The following PLEKHM1 variants were observed in gnomAD, a reference collection of about 807,000 sequenced individuals.
The protein encoded by PLEKHM1 is pleckstrin homology and RUN domain containing M1.
PLEKHM1 carries 28 observed loss-of-function variants against 94.3 expected under a neutral mutation model. The ratio of observed to expected loss-of-function variants is 0.30; its 90% CI spans 0.22 to 0.41. PLEKHM1 has a LOEUF of 0.41. Ranked by LOEUF, PLEKHM1 falls within the 10% of genes least tolerant of loss-of-function variation. PLEKHM1 has a pLI of 1.00. For missense variants in PLEKHM1, 907 were observed against 1,358.6 expected (o/e 0.67, Z 5.22); for synonymous variants, 424 against 581.2 (o/e 0.73, Z 3.89).
intron 5 of PLEKHM1, among the ~76,000 whole-genome samples, chr17:45,467,676 G>T (rs2051359285): frequency 6.6e-6 from 1 of 152,152 alleles, no homozygotes; most frequent in African/African-American, 2.4e-5. Context: ...CAGGAGAATT[G>T]CTTGAACCCA....
intron 4 of PLEKHM1, among the ~76,000 whole-genome samples, chr17:45,471,595 C>T (rs1169767582): frequency 6.6e-6 from 1 of 151,572 alleles, no homozygotes; most frequent in South Asian, 2.1e-4. Context: ...TTCTCTACAA[C>T]AAGTACAAAA....
intron 6 of PLEKHM1, among the ~76,000 whole-genome samples, chr17:45,455,943 G>A (rs1315546257): frequency 1.3e-5 from 2 of 152,252 alleles, no homozygotes; most frequent in Middle Eastern, 3.4e-3. Context: ...TGACCTCATC[G>A]CTCACTGCCA....
chr17:45,446,772 T>A (rs184359167), intron 8 of PLEKHM1, among the ~76,000 whole-genome samples: 6 of 152,354 alleles, frequency 3.9e-5, no homozygotes, highest in Admixed American at 3.9e-4. Context: ...CAAATTCTGA[T>A]AAATTGTGTA....
In PLEKHM1 at chr17:45,436,779, G is replaced by A. The variant is rs1243894685; in HGVS notation, c.*1079C>T. On this transcript the variant is annotated 3_prime_UTR_variant, in exon 12 of 12. Coordinates refer to ENST00000430334, the MANE Select transcript of PLEKHM1 (RefSeq NM_014798.3). ...GCTTTGGGAATTCATGGCTTTGTGA[G>A]GTGGTGGCTGCATCCACAGGGCAGT... The A allele has an allele frequency of 4.4e-6, 2 of 454,140 alleles. No individual in the cohort carries two copies. Among genetic ancestry groups the A allele is most frequent in the Admixed American group, 2.3e-5 (1 of 42,578 alleles). The allele number at this position is 454,140 out of a possible 1,614,324, so 28.1% of individuals were successfully genotyped here. A position where few individuals can be genotyped will look rare whatever the true frequency, so the allele number is the denominator to read the frequency against.
Position 45,447,659 on chromosome 17 carries a change from G to A in PLEKHM1, c.2644-1996C>T, listed in dbSNP as rs138322498. Among the ~76,000 whole-genome samples, 431 of 152,328 alleles carry A rather than the reference G, an allele frequency of 2.8e-3. 3 individuals are homozygous for A. The highest frequency in any genetic ancestry group is 9.9e-3 in the African/African-American group (410 of 41,578). ...GTGGGTCAGCCAGAACAGCAACGGC[G>A]AACAATAAGGCCCCAAACCCGTGGG... On this transcript the variant is annotated intron_variant, in intron 8 of 11. Coordinates refer to ENST00000430334, the MANE Select transcript of PLEKHM1 (RefSeq NM_014798.3).
chr17:45,480,108 A>G (rs1319924994), intron 2 of PLEKHM1, among the ~76,000 whole-genome samples: 1 of 152,356 alleles, frequency 6.6e-6, no homozygotes, highest in African/African-American at 2.4e-5. Context: ...TATACCATAA[A>G]ATACACCCAT....
At chr17:45,484,972 TC>T (rs2052065690) in intron 1 of PLEKHM1, among the ~76,000 whole-genome samples, 5 of 150,700 alleles carry the variant, frequency 3.3e-5, no homozygotes, top group Non-Finnish European at 7.4e-5. Flanking sequence ...AGAGCCAACC[TC>T]CCTAAGTCAG....
chr17:45,450,475 C>A, intron 8 of PLEKHM1, 143 bp downstream of exon 8: 2 of 1,370,358 alleles, frequency 1.5e-6, no homozygotes, highest in Non-Finnish European at 2.0e-6. Context: ...GTTAGCTCCC[C>A]AACATCACAG....
At chr17:45,455,206 T>A (rs2050909331) in intron 6 of PLEKHM1, among the ~76,000 whole-genome samples, 1 of 152,030 alleles carries the variant, frequency 6.6e-6, no homozygotes, top group Admixed American at 6.6e-5. Context: ...TAGGCTTCTC[T>A]CCCCCCATTC....
intron 2 of PLEKHM1, among the ~76,000 whole-genome samples, chr17:45,480,773 A>T (rs1023041993): frequency 6.6e-6 from 1 of 152,204 alleles, no homozygotes; most frequent in African/African-American, 2.4e-5. Context: ...TTATTGCCAG[A>T]AAATATTCCG....
chr17:45,483,480 G>A (rs540957034), intron 1 of PLEKHM1, among the ~76,000 whole-genome samples: 1 of 149,692 alleles, frequency 6.7e-6, no homozygotes, highest in South Asian at 2.1e-4. Flanking sequence ...CTGAGCCTGA[G>A]GGGGCTGCTG....
At chr17:45,486,179 T>G (rs2052111108) in intron 1 of PLEKHM1, among the ~76,000 whole-genome samples, 2 of 143,278 alleles carry the variant, frequency 1.4e-5, no homozygotes, top group South Asian at 4.3e-4. Flanking sequence ...ATCCCGCCAC[T>G]GCACTCCAGC....
chr17:45,469,346 C>CGT (rs1412543115), intron 4 of PLEKHM1, among the ~76,000 whole-genome samples: 2 of 152,206 alleles, frequency 1.3e-5, no homozygotes, highest in African/African-American at 4.8e-5. Flanking sequence ...CCTTGGTACA[C>CGT]GTGCATGCAC....
intron 5 of PLEKHM1, among the ~76,000 whole-genome samples, chr17:45,458,875 G>C (rs1474620972): frequency 6.6e-6 from 1 of 151,014 alleles, no homozygotes; most frequent in Non-Finnish European, 1.5e-5. Context: ...GCTCACACCT[G>C]TAATCCCAGC....
rs748970720 is a variant in PLEKHM1 at position 45,437,192 on chromosome 17, TA to T, written c.*665del. On this transcript the variant is annotated 3_prime_UTR_variant, in exon 12 of 12. Transcript: ENST00000430334. This position sits in a 1 kb window ranked among gnomAD's most constrained non-coding sequence, Gnocchi z 4.0. ...AGGCGAGACGCACTGGGGTGGGGAG[TA>T]AAGAGGACACAGAGGAACCGGGGTC... 6.7e-6 allele frequency: 3 copies of T among 450,862 alleles called. No individual in the cohort carries two copies. The highest frequency in any genetic ancestry group is 4.5e-6 in the Non-Finnish European group (1 of 224,608). The allele number at this position is 450,862 out of a possible 1,614,324, so 27.9% of individuals were successfully genotyped here.
At chr17:45,463,894 C>G (rs560987904) in intron 5 of PLEKHM1, 17 of 152,438 alleles carry the variant, frequency 1.1e-4, no homozygotes, top group African/African-American at 4.1e-4. Context: ...TATACAACAG[C>G]TGAATCCCCA....
intron 5 of PLEKHM1, among the ~76,000 whole-genome samples, chr17:45,463,085 C>CA (rs1290103977): frequency 0.017 from 1,658 of 95,396 alleles, 33 homozygotes; most frequent in African/African-American, 0.041. Flanking sequence ...GAGTCTGTGT[C>CA]AAAAAAAAAA....
intron 11 of PLEKHM1, 140 bp downstream of exon 11, chr17:45,439,337 C>T: frequency 3.1e-6 from 3 of 953,458 alleles, no homozygotes; most frequent in Non-Finnish European, 4.8e-6. Context: ...ACAACTGCAC[C>T]ACCCCTTGGC....
intron 4 of PLEKHM1, 52 bp from the exon 5 acceptor site, chr17:45,468,645 C>T (rs1856399128): frequency 1.3e-6 from 2 of 1,590,084 alleles, no homozygotes; most frequent in Non-Finnish European, 1.7e-6. Context: ...GCGATAATGC[C>T]CAAGGCAACT....
Sources: gnomAD v4.1 joint callset for allele counts (sites outside exome capture counted in the v4.1 genomes callset) on GRCh38, gnomAD v4.1.1 for gene constraint, Gnocchi (gnomAD v3.1) non-coding constraint, MANE v1.5 for transcripts, NCBI Gene and HGNC (gene_info 2026-07-23, HGNC 2026-07-21) for gene names.